Variants in FRMD5 observed in about 807,000 individuals in gnomAD.
FRMD5 encodes FERM domain containing 5.
In FRMD5, 20 loss-of-function variants were observed where a neutral mutation model predicts 69.0. That is an observed-to-expected ratio of 0.29 (90% confidence interval 0.20 to 0.42). The LOEUF is 0.42. FRMD5 is among the 10% of genes least tolerant of loss of function. The pLI is 1.00. For synonymous variants in FRMD5, 271 were observed against 260.1 expected (o/e 1.04, Z -0.40); for missense variants, 595 against 708.6 (o/e 0.84, Z 1.82).
chr15:44,018,233 C>T (rs774394501), intron 1 of FRMD5, among the ~76,000 whole-genome samples: 25 of 152,052 alleles, frequency 1.6e-4, no homozygotes, highest in South Asian at 6.2e-4. Flanking sequence ...GCACTTTTGA[C>T]GAAAGTTAAT....
intron 4 of FRMD5, among the ~76,000 whole-genome samples, chr15:43,914,869 G>A (rs1321671256): frequency 6.6e-6 from 1 of 151,946 alleles, no homozygotes; most frequent in Non-Finnish European, 1.5e-5. Context: ...GGGATTACAG[G>A]CACGTGCCAC....
intron 1 of FRMD5, among the ~76,000 whole-genome samples, chr15:44,048,683 G>T (rs978047831): frequency 6.6e-6 from 1 of 151,888 alleles, no homozygotes; most frequent in Non-Finnish European, 1.5e-5. Flanking sequence ...AGCGATTCTT[G>T]TGCCTCAACC....
At chr15:43,977,825 G>A (rs1321506114) in intron 1 of FRMD5, among the ~76,000 whole-genome samples, 2 of 152,074 alleles carry the variant, frequency 1.3e-5, no homozygotes, top group East Asian at 1.9e-4. Flanking sequence ...AGTCCCCTGC[G>A]ATTTTGGAGT....
At position 43,978,655 on chromosome 15, in the gene FRMD5, G is replaced by T. The variant is rs12592399; in HGVS notation, c.103-54346C>A. Among the ~76,000 whole-genome samples the T allele has an allele frequency of 3.9e-3, 589 of 152,208 alleles. 26 individuals carry two copies. In the East Asian group the frequency reaches 0.093, roughly 24 times the overall value. On this transcript the variant is annotated intron_variant, in intron 1 of 13. Coordinates refer to ENST00000417257, the MANE Select transcript of FRMD5 (RefSeq NM_032892.5). ...CAACCTTCACCTCCCGGGTTCAAGT[G>T]ATTCTCCTGCCTCAGCCTCCCAAGT...
At chr15:43,875,508 T>TA (rs956248095) in intron 13 of FRMD5, among the ~76,000 whole-genome samples, 7 of 151,500 alleles carry the variant, frequency 4.6e-5, no homozygotes, top group African/African-American at 1.7e-4. Context: ...GATGGAGTCT[T>TA]ACTCTGTCGC....
intron 5 of FRMD5, among the ~76,000 whole-genome samples, chr15:43,906,175 T>C (rs188821442): frequency 2.6e-5 from 4 of 152,364 alleles, no homozygotes; most frequent in African/African-American, 9.6e-5. Flanking sequence ...TTCAAGTCTA[T>C]GCAGAGAGAC....
At position 43,905,808 on chromosome 15, in the gene FRMD5, C is replaced by A. The variant is rs759643743; in HGVS notation, c.551+20G>T. 1.1e-5 allele frequency: 17 copies of A among 1,613,318 alleles called. No homozygotes were observed. Among genetic ancestry groups the A allele is most frequent in the Admixed American group, 3.3e-5 (2 of 59,978 alleles). On this transcript the variant is annotated intron_variant, in intron 6 of 13. Coordinates refer to ENST00000417257, the MANE Select transcript of FRMD5 (RefSeq NM_032892.5). Reference sequence around the variant, plus strand: ...TGTGGAGAAGCCACAATGTTCTGGGCCTGATTAAGTGCCACGTACCTCAGT... The same window carrying A: ...TGTGGAGAAGCCACAATGTTCTGGGACTGATTAAGTGCCACGTACCTCAGT...
At chr15:44,011,952 G>C (rs1282897258) in intron 1 of FRMD5, among the ~76,000 whole-genome samples, 6 of 152,140 alleles carry the variant, frequency 3.9e-5, no homozygotes, top group African/African-American at 1.4e-4. Flanking sequence ...GGTTTCAAGT[G>C]CAACAGCTAA....
At chr15:44,008,599 T>C (rs1890568918) in intron 1 of FRMD5, among the ~76,000 whole-genome samples, 1 of 151,910 alleles carries the variant, frequency 6.6e-6, no homozygotes, top group South Asian at 2.1e-4. Flanking sequence ...CACCAAAGAT[T>C]TTTGTATGTA....
At chr15:43,991,623 G>C (rs1889682421) in intron 1 of FRMD5, among the ~76,000 whole-genome samples, 1 of 152,212 alleles carries the variant, frequency 6.6e-6, no homozygotes, top group Non-Finnish European at 1.5e-5. Context: ...TTGACCTTTT[G>C]ATCTGTCTTT....
chr15:43,885,078 CA>C (rs748506595), intron 11 of FRMD5: 66 of 367,638 alleles, frequency 1.8e-4, no homozygotes, highest in South Asian at 5.3e-4. Flanking sequence ...AATTACATCA[CA>C]AAAAAACACA....
At chr15:44,079,200 C>A (rs191924414) in intron 1 of FRMD5, among the ~76,000 whole-genome samples, 1 of 152,030 alleles carries the variant, frequency 6.6e-6, no homozygotes, top group East Asian at 1.9e-4. Context: ...AAATGCAAAT[C>A]AAAATTACAG....
intron 1 of FRMD5, among the ~76,000 whole-genome samples, chr15:44,146,396 T>C (rs915558985): frequency 1.3e-5 from 2 of 152,228 alleles, no homozygotes; most frequent in South Asian, 2.1e-4. Flanking sequence ...CAGTCTATCA[T>C]TGATGGGCAT....
intron 1 of FRMD5, among the ~76,000 whole-genome samples, chr15:44,132,671 C>T: frequency 6.6e-6 from 1 of 152,090 alleles, no homozygotes; most frequent in East Asian, 1.9e-4. Context: ...TCAAGCGATC[C>T]TCCAGCCTCA....
upstream of FRMD5, among the ~76,000 whole-genome samples, chr15:44,196,720 C>A (rs1381288273): frequency 3.2e-5 from 3 of 94,244 alleles, no homozygotes; most frequent in Non-Finnish European, 5.9e-5. Flanking sequence ...TGGGGAGATT[C>A]ATTCTCTTTC....
At chr15:44,033,109 C>T (rs1325736919) in intron 1 of FRMD5, among the ~76,000 whole-genome samples, 1 of 152,144 alleles carries the variant, frequency 6.6e-6, no homozygotes, top group Non-Finnish European at 1.5e-5. Context: ...AACACAGTTA[C>T]AGAAAACCAA....
chr15:44,164,212 C>T (rs1289629600), intron 1 of FRMD5, among the ~76,000 whole-genome samples: 1 of 152,330 alleles, frequency 6.6e-6, no homozygotes, highest in East Asian at 1.9e-4. Context: ...CCCTTACTTA[C>T]TTAATGATAG....
intron 1 of FRMD5, among the ~76,000 whole-genome samples, chr15:43,945,143 T>C (rs556557694): frequency 1.3e-5 from 2 of 152,180 alleles, no homozygotes; most frequent in East Asian, 3.9e-4. Flanking sequence ...TAAAAGCCAT[T>C]AAAAAATGGG....
At chr15:44,041,066 AG>A (rs1892168883) in intron 1 of FRMD5, among the ~76,000 whole-genome samples, 1 of 151,488 alleles carries the variant, frequency 6.6e-6, no homozygotes, top group African/African-American at 2.4e-5. Flanking sequence ...CTGATAAAAC[AG>A]ACTTTAAATC....
Sources: allele counts gnomAD v4.1 joint callset (sites outside exome capture counted in the v4.1 genomes callset), GRCh38; gene constraint gnomAD v4.1.1; transcripts MANE v1.5; gene names NCBI Gene and HGNC (gene_info 2026-07-23, HGNC 2026-07-21).